Variants in SDK1 observed in about 807,000 individuals in gnomAD.
The protein encoded by SDK1 is sidekick cell adhesion molecule 1.
A neutral mutation model predicts 245.5 loss-of-function variants in SDK1; 157 were observed. The ratio of observed to expected loss-of-function variants is 0.64; its 90% confidence interval spans 0.56 to 0.73. The LOEUF (loss-of-function observed/expected upper bound fraction) is 0.73, where lower values mean the gene tolerates loss of function less well. Ranked by LOEUF, SDK1 falls within the 30% of genes least tolerant of loss-of-function variation. The pLI is 0.00. For synonymous variants in SDK1, 1,647 were observed against 1,278.5 expected, an observed-to-expected ratio of 1.29 and a Z score of -6.15; for missense variants, 3,583 against 3,002.3, an observed-to-expected ratio of 1.19 and a Z score of -4.52.
chr7:3,814,337 C>A (rs1193111341), intron 4 of SDK1, among the ~76,000 whole-genome samples: 1 of 147,616 alleles, frequency 6.8e-6, no homozygotes, highest in African/African-American at 2.5e-5. Context: ...ATATGGCTAG[C>A]CAGTTTTCCC....
chr7:4,257,096 G>A (rs1446687123), intron 44 of SDK1, among the ~76,000 whole-genome samples: 2 of 152,166 alleles, frequency 1.3e-5, no homozygotes, highest in Non-Finnish European at 2.9e-5. Flanking sequence ...CAAATCACAT[G>A]TTAAAGATTG....
At chr7:4,095,168 T>C (rs1398687999) in intron 22 of SDK1, among the ~76,000 whole-genome samples, 1 of 149,622 alleles carries the variant, frequency 6.7e-6, no homozygotes, top group East Asian at 2.0e-4. Flanking sequence ...CCCCCACATC[T>C]GAGCTCTTCC....
chr7:3,701,985 T>G (rs1462652513), intron 4 of SDK1, among the ~76,000 whole-genome samples: 2 of 151,522 alleles, frequency 1.3e-5, no homozygotes. Flanking sequence ...ACCCTAATCT[T>G]TATATAAAAA....
intron 40 of SDK1, among the ~76,000 whole-genome samples, chr7:4,228,765 C>T (rs767962438): frequency 2.6e-5 from 4 of 152,306 alleles, no homozygotes; most frequent in Admixed American, 6.5e-5. Context: ...GTCTTGAACT[C>T]GTGACCTCGT....
At chr7:3,740,853 A>G (rs78613446) in intron 4 of SDK1, among the ~76,000 whole-genome samples, 1,646 of 152,292 alleles carry the variant, frequency 0.011, 32 homozygotes, top group African/African-American at 0.038. Flanking sequence ...TTTATGAAGG[A>G]GATGATTTTC....
intron 4 of SDK1, among the ~76,000 whole-genome samples, chr7:3,758,052 C>T (rs774713411): frequency 6.6e-6 from 1 of 152,140 alleles, no homozygotes; most frequent in African/African-American, 2.4e-5. Context: ...TACCACAGTT[C>T]CTTAGAAGCA....
chr7:4,079,661 A>C, intron 22 of SDK1, 77 bp downstream of exon 22: 1 of 1,576,522 alleles, frequency 6.3e-7, no homozygotes, highest in Non-Finnish European at 8.7e-7. Context: ...GTACCCCTGC[A>C]GATGATGGCT....
intron 5 of SDK1, among the ~76,000 whole-genome samples, chr7:3,831,316 C>T (rs1371243140): frequency 6.6e-6 from 1 of 152,136 alleles, no homozygotes; most frequent in Non-Finnish European, 1.5e-5. Context: ...CTTTTAGTTA[C>T]TTTCTAGACT....
rs74456757 is a variant in SDK1, at chr7:3,999,288, A to C, written c.2132-11678A>C. The stretch of plus-strand genomic sequence containing the variant: ...GTTCACGCAAGTCTGCAAATTGCGC[A>C]TCCACTCCCTCCTGAGAGCATTAGA... On this transcript the variant is annotated intron_variant, in intron 14 of 44. Coordinates refer to ENST00000404826, the MANE Select transcript of SDK1 (RefSeq NM_152744.4). Among the ~76,000 whole-genome samples the C allele has an allele frequency of 1.2e-3, 185 of 152,350 alleles. 1 individual carries two copies. The highest frequency in any genetic ancestry group is 4.3e-3 in the African/African-American group (178 of 41,580).
intron 4 of SDK1, among the ~76,000 whole-genome samples, chr7:3,747,231 T>G (rs1278384270): frequency 6.6e-6 from 1 of 152,232 alleles, no homozygotes; most frequent in Admixed American, 6.5e-5. Context: ...AAAGTCATTC[T>G]CACTGGTAAT....
chr7:4,134,848 C>G (rs10276958), intron 28 of SDK1: 1 of 152,394 alleles, frequency 6.6e-6, no homozygotes, highest in African/African-American at 2.4e-5. Context: ...CACAGACGGA[C>G]GCGTGCTCAG....
At chr7:4,016,376 A>G (rs1786401393) in intron 16 of SDK1, among the ~76,000 whole-genome samples, 1 of 152,250 alleles carries the variant, frequency 6.6e-6, no homozygotes, top group Non-Finnish European at 1.5e-5. Flanking sequence ...GGGCTGATCC[A>G]GGAAAGCTCA....
At chr7:3,724,969 C>T (rs1341581413) in intron 4 of SDK1, among the ~76,000 whole-genome samples, 1 of 152,212 alleles carries the variant, frequency 6.6e-6, no homozygotes, top group African/African-American at 2.4e-5. Context: ...AATAGATTTT[C>T]GTGGACAGCC....
intron 44 of SDK1, among the ~76,000 whole-genome samples, chr7:4,264,766 G>A (rs917988685): frequency 1.3e-4 from 19 of 150,362 alleles, no homozygotes; most frequent in African/African-American, 3.6e-4. Flanking sequence ...GAGGGAGGCC[G>A]TGTAGACCTC....
chr7:3,521,506 G>A (rs996414927), intron 1 of SDK1, among the ~76,000 whole-genome samples: 2 of 152,130 alleles, frequency 1.3e-5, no homozygotes, highest in Non-Finnish European at 2.9e-5. Flanking sequence ...CCTGACACAC[G>A]AGTTGGTAAA....
At chr7:3,862,747 T>G (rs6959835) in intron 5 of SDK1, among the ~76,000 whole-genome samples, 1 of 152,026 alleles carries the variant, frequency 6.6e-6, no homozygotes, top group African/African-American at 2.4e-5. Flanking sequence ...GTTCCATACT[T>G]CAGTGTTCCT....
At chr7:3,907,105 TA>T (rs1233931953) in intron 5 of SDK1, among the ~76,000 whole-genome samples, 3 of 142,100 alleles carry the variant, frequency 2.1e-5, no homozygotes, top group Admixed American at 2.1e-4. Flanking sequence ...TATATTTAAA[TA>T]TATTCTCTCT....
Position 3,855,802 on chromosome 7 carries a change from A to G in SDK1, c.847+34219A>G, listed in dbSNP as rs566984337. ...GTGGATGTGGAGGCTCTTTTAGTCA[A>G]AGTTCTGAGGGGAAAACTTAAGAAT... On this transcript the variant is annotated intron_variant, in intron 5 of 44. Transcript: ENST00000404826. 7.0e-4 allele frequency among the ~76,000 whole-genome samples: 106 copies of G among 152,332 alleles called. 1 individual carries two copies. Among genetic ancestry groups the G allele is most frequent in the African/African-American group, 2.2e-3 (93 of 41,576 alleles).
intron 32 of SDK1, among the ~76,000 whole-genome samples, chr7:4,164,982 A>G (rs1443930886): frequency 1.3e-5 from 2 of 152,244 alleles, no homozygotes; most frequent in Non-Finnish European, 2.9e-5. Flanking sequence ...GAACAAAGAA[A>G]AAGAAACTAG....
Sources: allele counts gnomAD v4.1 joint callset (sites outside exome capture counted in the v4.1 genomes callset), GRCh38; gene constraint gnomAD v4.1.1; transcripts MANE v1.5; gene names NCBI Gene and HGNC (gene_info 2026-07-23, HGNC 2026-07-21).